Variants in TRAP1 observed in about 807,000 individuals in gnomAD.
TRAP1 encodes the protein TNF receptor associated protein 1.
Under a neutral mutation model 89.1 loss-of-function variants are expected in TRAP1, and 102 were observed. The ratio of observed to expected loss-of-function variants is 1.15; its 90% CI spans 0.98 to 1.35. The LOEUF (loss-of-function observed/expected upper bound fraction) is 1.35, where lower values mean the gene tolerates loss of function less well. Among genes scored for constraint, TRAP1 ranks in the 40% most tolerant of loss-of-function variants. The probability of loss-of-function intolerance (pLI) is 0.00; values close to 1 mark genes in which losing one functional copy is unlikely to be tolerated. For synonymous variants in TRAP1, 508 were observed against 388.0 expected, an observed-to-expected ratio of 1.31 and a Z score of -3.64; for missense variants, 1,256 against 945.3, an observed-to-expected ratio of 1.33 and a Z score of -4.31.
intron 16 of TRAP1, chr16:3,659,575 C>T (rs2042944721): frequency 6.6e-6 from 1 of 152,252 alleles, no homozygotes; most frequent in Admixed American, 6.5e-5. Flanking sequence ...TTAACCTTAA[C>T]ATGAATATTA....
chr16:3,662,496 G>T, intron 15 of TRAP1: 1 of 517,306 alleles, frequency 1.9e-6, no homozygotes. Context: ...TTGGTGGGGG[G>T]AGTCTTAGCT....
intron 16 of TRAP1, chr16:3,660,395 G>A (rs989749181): frequency 2.6e-5 from 4 of 152,272 alleles, no homozygotes; most frequent in Non-Finnish European, 5.9e-5. Context: ...CCACCACTTT[G>A]GGAGGCCAAG....
intron 1 of TRAP1, among the ~76,000 whole-genome samples, chr16:3,711,897 G>A (rs1001925394): frequency 6.6e-6 from 1 of 152,154 alleles, no homozygotes; most frequent in Non-Finnish European, 1.5e-5. Flanking sequence ...CTACACTTGA[G>A]GCACCAAAAA....
At chr16:3,673,762 C>T (rs2050948211) in intron 9 of TRAP1, among the ~76,000 whole-genome samples, 1 of 152,182 alleles carries the variant, frequency 6.6e-6, no homozygotes, top group Non-Finnish European at 1.5e-5. Flanking sequence ...GGCTGGCTCT[C>T]AGCCCCGAAT....
intron 1 of TRAP1, among the ~76,000 whole-genome samples, chr16:3,705,240 A>G (rs1307802105): frequency 6.8e-6 from 1 of 147,924 alleles, no homozygotes; most frequent in Non-Finnish European, 1.5e-5. Context: ...AATTTTTTGT[A>G]TTTTTTTTTT....
chr16:3,683,540 C>T (rs1238483188), intron 4 of TRAP1, among the ~76,000 whole-genome samples: 1 of 151,734 alleles, frequency 6.6e-6, no homozygotes, highest in African/African-American at 2.4e-5. Context: ...TGCACACCAC[C>T]ACATCTGGCT....
chr16:3,688,928 G>T, intron 3 of TRAP1, 127 bp downstream of exon 3: 1 of 777,698 alleles, frequency 1.3e-6, no homozygotes, highest in Non-Finnish European at 2.0e-6. Context: ...TTAAGATGAG[G>T]ACCTGTCCAA....
At chr16:3,707,432 G>A (rs556672457) in intron 1 of TRAP1, among the ~76,000 whole-genome samples, 6 of 151,256 alleles carry the variant, frequency 4.0e-5, no homozygotes, top group African/African-American at 1.5e-4. Context: ...TGATCCACCT[G>A]CCTCAGCCTC....
chr16:3,708,141 C>T (rs565952689), intron 1 of TRAP1, among the ~76,000 whole-genome samples: 25 of 151,544 alleles, frequency 1.6e-4, no homozygotes, highest in South Asian at 1.0e-3. Context: ...AGGCCTGCAG[C>T]GAGCCAGGAT....
At chr16:3,671,828 G>C (rs374484239) in intron 10 of TRAP1, 37 bp from the exon 11 acceptor site, 3 of 1,601,300 alleles carry the variant, frequency 1.9e-6, no homozygotes, top group Admixed American at 3.3e-5. Flanking sequence ...CCGGGGCTGC[G>C]GCCCTCCACA....
intron 13 of TRAP1, 49 bp from the exon 14 acceptor site, chr16:3,663,611 A>G: frequency 6.2e-7 from 1 of 1,608,500 alleles, no homozygotes; most frequent in South Asian, 1.1e-5. Flanking sequence ...GCCTCCAGCC[A>G]CCACAGAAGA....
At chr16:3,663,317 A>T in intron 14 of TRAP1, 107 bp downstream of exon 14, 1 of 1,461,408 alleles carries the variant, frequency 6.8e-7, no homozygotes, top group Non-Finnish European at 9.2e-7. Context: ...GGGGTGGCTG[A>T]GCCCAGGTCA....
rs568076812 is a variant in TRAP1, at chr16:3,712,987, T to C, written c.88+4434A>G. 1.6e-3 allele frequency among the ~76,000 whole-genome samples: 238 copies of C among 152,326 alleles called. 2 individuals carry two copies. Among genetic ancestry groups the C allele is most frequent in the Non-Finnish European group, 1.0e-4 (7 of 68,038 alleles). On this transcript the variant is annotated intron_variant, in intron 1 of 17. Transcript: ENST00000246957. ...CTAACTAAGCTGAAGGTCCTCCTGGTGGCCTTGGACAGCTGGGCCACACCT... is the reference window on the plus strand; with the variant it reads ...CTAACTAAGCTGAAGGTCCTCCTGGCGGCCTTGGACAGCTGGGCCACACCT...
intron 17 of TRAP1, 122 bp downstream of exon 17, chr16:3,658,671 C>T: frequency 2.3e-6 from 2 of 885,036 alleles, no homozygotes; most frequent in Non-Finnish European, 3.3e-6. Flanking sequence ...CACTCCATCT[C>T]AAAAAACAAA....
At chr16:3,684,439 A>C (rs2151264560) in intron 4 of TRAP1, among the ~76,000 whole-genome samples, 1 of 152,348 alleles carries the variant, frequency 6.6e-6, no homozygotes, top group East Asian at 1.9e-4. Context: ...AGACCCCACA[A>C]GAAAGCTTCC....
intron 1 of TRAP1, among the ~76,000 whole-genome samples, chr16:3,703,947 G>A (rs905847182): frequency 1.1e-4 from 17 of 149,452 alleles, no homozygotes; most frequent in Admixed American, 4.0e-4. Context: ...CGCGGGAGGC[G>A]GAGCGTGCAG....
At chr16:3,660,509 C>T (rs1596678077) in intron 16 of TRAP1, 1 of 151,830 alleles carries the variant, frequency 6.6e-6, no homozygotes. Context: ...ACGAGCACTT[C>T]TGCAGCTATC....
chr16:3,667,925 ATTTTT>A (rs58782531), intron 11 of TRAP1, among the ~76,000 whole-genome samples: 1 of 65,540 alleles, frequency 1.5e-5, no homozygotes, highest in African/African-American at 7.0e-5. Flanking sequence ...TACCCGGCTG[ATTTTT>A]TTTTTTTTTT....
intron 1 of TRAP1, among the ~76,000 whole-genome samples, chr16:3,703,568 A>C (rs1488173384): frequency 6.6e-6 from 1 of 152,020 alleles, no homozygotes; most frequent in African/African-American, 2.4e-5. Context: ...AAGGACACCC[A>C]AAAACTGGCT....
Sources: allele counts gnomAD v4.1 joint callset (sites outside exome capture counted in the v4.1 genomes callset), GRCh38; gene constraint gnomAD v4.1.1; transcripts MANE v1.5; gene names NCBI Gene and HGNC (gene_info 2026-07-23, HGNC 2026-07-21).